Variants in ZNF469 observed in about 807,000 individuals in gnomAD.
ZNF469 encodes zinc finger protein 469.
In ZNF469, 1 loss-of-function variant was observed where a neutral mutation model predicts 1.0. That is an observed-to-expected ratio of 1.00 (90% CI 0.35 to 4.73). ZNF469 has a LOEUF of 4.73. Ranked by LOEUF, ZNF469 falls within the 30% of genes most tolerant of loss-of-function variation. ZNF469 has a pLI of 0.16. For missense variants in ZNF469, 6,100 were observed against 5,356.3 expected, an observed-to-expected ratio of 1.14 and a Z score of -4.33; for synonymous variants, 2,703 against 2,363.4, an observed-to-expected ratio of 1.14 and a Z score of -4.17.
chr16:88,319,125 C>T, the ZNF469 span, among the ~76,000 whole-genome samples: 2 of 152,284 alleles, frequency 1.3e-5, no homozygotes, highest in Non-Finnish European at 2.9e-5. Flanking sequence ...TTCCCATGAC[C>T]GGCCACTGTC....
chr16:88,217,507 C>T, the ZNF469 span, among the ~76,000 whole-genome samples: 393 of 149,176 alleles, frequency 2.6e-3, 1 homozygote, highest in African/African-American at 5.4e-3. Flanking sequence ...TAGTTACATA[C>T]GTATACATGT....
rs1410186217 is a variant in ZNF469 at position 88,428,543 on chromosome 16, C to T, written c.1073C>T (p.Pro358Leu). Residue 358 changes from proline (P) to leucine (L), a missense_variant, in exon 3 of 3, where the codon CCT (proline) becomes CTT (leucine). Physicochemically the swap from Pro to Leu is moderately conservative, Grantham distance 98. Coordinates refer to ENST00000565624, the MANE Select transcript of ZNF469 (RefSeq NM_001367624.2). Reference protein sequence around the residue: ...HSDLSGALSSPGAAHSAPRPF... With the variant: ...HSDLSGALSSLGAAHSAPRPF... Reference sequence around the variant, plus strand: ...GACCTCAGTGGTGCCCTCTCTTCCCCTGGAGCTGCTCACTCGGCCCCGAGA... The same window carrying T: ...GACCTCAGTGGTGCCCTCTCTTCCCTTGGAGCTGCTCACTCGGCCCCGAGA... 3 of 1,550,038 alleles carry T rather than the reference C, an allele frequency of 1.9e-6. No individual in the cohort carries two copies. Among genetic ancestry groups the T allele is most frequent in the Admixed American group, 2.0e-5 (1 of 50,984 alleles).
the ZNF469 span, among the ~76,000 whole-genome samples, chr16:88,239,713 A>T: frequency 0.022 from 88 of 3,966 alleles, 4 homozygotes; most frequent in African/African-American, 0.096. Context: ...ATATATATAT[A>T]TATTTTTTTT....
the ZNF469 span, among the ~76,000 whole-genome samples, chr16:88,313,235 T>C: frequency 6.6e-6 from 1 of 152,226 alleles, no homozygotes; most frequent in African/African-American, 2.4e-5. Context: ...TTCTATCTAA[T>C]TATATATGAG....
the ZNF469 span, among the ~76,000 whole-genome samples, chr16:88,296,052 C>A: frequency 6.6e-6 from 1 of 152,214 alleles, no homozygotes; most frequent in Non-Finnish European, 1.5e-5. Context: ...GAGGATATTG[C>A]CCCTGAAGGG....
the ZNF469 span, among the ~76,000 whole-genome samples, chr16:88,109,055 C>T: frequency 3.3e-5 from 5 of 152,336 alleles, no homozygotes; most frequent in African/African-American, 7.2e-5. Context: ...TGACTTGTTA[C>T]GCAAAAGCAG....
At chr16:88,181,095 C>T in the ZNF469 span, among the ~76,000 whole-genome samples, 11 of 143,486 alleles carry the variant, frequency 7.7e-5, no homozygotes, top group Non-Finnish European at 1.2e-4. Flanking sequence ...TTTTTTGAGA[C>T]GCAGTCTCGC....
At chr16:88,365,993 T>C in the ZNF469 span, among the ~76,000 whole-genome samples, 269 of 152,316 alleles carry the variant, frequency 1.8e-3, no homozygotes, top group Non-Finnish European at 3.2e-3. Context: ...TCCCCCACAG[T>C]CTACTATGTG....
chr16:88,372,935 A>G, the ZNF469 span, among the ~76,000 whole-genome samples: 1 of 151,966 alleles, frequency 6.6e-6, no homozygotes, highest in South Asian at 2.1e-4. Context: ...TACCATCTTC[A>G]CCATCTTTAC....
the ZNF469 span, among the ~76,000 whole-genome samples, chr16:88,181,209 T>G: frequency 6.6e-6 from 1 of 152,114 alleles, no homozygotes; most frequent in Non-Finnish European, 1.5e-5. Flanking sequence ...TAGCTGGGAC[T>G]ACAGGCGCCC....
the ZNF469 span, among the ~76,000 whole-genome samples, chr16:88,201,061 T>A: frequency 6.6e-6 from 1 of 152,200 alleles, no homozygotes; most frequent in Non-Finnish European, 1.5e-5. The surrounding 1 kb of genome is among the most constrained non-coding windows in gnomAD (Gnocchi z 5.0). Context: ...GGCCCCTCTG[T>A]GCCCCGGGGA....
chr16:88,362,476 A>T, the ZNF469 span, among the ~76,000 whole-genome samples: 4 of 152,206 alleles, frequency 2.6e-5, no homozygotes, highest in Non-Finnish European at 5.9e-5. Context: ...TTTATCCAAA[A>T]ATATCATTTC....
rs1567500196 is a variant in ZNF469, at chr16:88,396,918, G to GGGAGGAGACCCTCATGAAGGGAGGCCA, written c.-192+13675_-192+13676insTCATGAAGGGAGGCCAGGAGGAGACCC. Among the ~76,000 whole-genome samples the GGGAGGAGACCCTCATGAAGGGAGGCCA allele has an allele frequency of 1.3e-3, 164 of 124,844 alleles. 3 individuals are homozygous for GGGAGGAGACCCTCATGAAGGGAGGCCA. The highest frequency in any genetic ancestry group is 2.1e-3 in the Non-Finnish European group (120 of 57,976). The allele number at this position is 124,844 out of a possible 152,430, so 81.9% of individuals were successfully genotyped here. ...GTGGAGACCCTCATGAAGGGAGGCC[G>GGGAGGAGACCCTCATGAAGGGAGGCCA]GGAGGAGACCCGTCTGAAGGGAGGC... On this transcript the variant is annotated intron_variant, in intron 1 of 2. Transcript: ENST00000565624.
At chr16:88,189,089 A>C in the ZNF469 span, among the ~76,000 whole-genome samples, 2 of 152,122 alleles carry the variant, frequency 1.3e-5, no homozygotes, top group African/African-American at 4.8e-5. The surrounding 1 kb of genome is among the most constrained non-coding windows in gnomAD (Gnocchi z 4.3). Context: ...CATTGCTTAT[A>C]CACTGGCCTT....
chr16:88,344,978 C>G, the ZNF469 span, among the ~76,000 whole-genome samples: 1 of 152,204 alleles, frequency 6.6e-6, no homozygotes, highest in Non-Finnish European at 1.5e-5. Flanking sequence ...ATATCCATCA[C>G]AGAAGTCGCC....
intron 1 of ZNF469, among the ~76,000 whole-genome samples, chr16:88,403,414 G>A (rs1904938546): frequency 6.6e-6 from 1 of 152,258 alleles, no homozygotes; most frequent in Non-Finnish European, 1.5e-5. Context: ...TGTTTGGACA[G>A]TGGTGGGATT....
chr16:88,105,908 G>T, the ZNF469 span, among the ~76,000 whole-genome samples: 10 of 152,368 alleles, frequency 6.6e-5, no homozygotes, highest in South Asian at 2.1e-3. Flanking sequence ...ACACCACCTT[G>T]TGTGTGGACA....
the ZNF469 span, among the ~76,000 whole-genome samples, chr16:88,198,969 C>T: frequency 1.3e-5 from 2 of 152,198 alleles, no homozygotes; most frequent in Non-Finnish European, 2.9e-5. Flanking sequence ...GCTGCCGCCT[C>T]ATGTTCTCTG....
chr16:88,104,331 G>A, the ZNF469 span, among the ~76,000 whole-genome samples: 40 of 151,324 alleles, frequency 2.6e-4, no homozygotes, highest in African/African-American at 9.2e-4. Context: ...GTGCAATTCC[G>A]TTTAGACTGC....
Sources: gnomAD v4.1 joint callset for allele counts (sites outside exome capture counted in the v4.1 genomes callset) on GRCh38, gnomAD v4.1.1 for gene constraint, Gnocchi (gnomAD v3.1) non-coding constraint, MANE v1.5 for transcripts, NCBI Gene and HGNC (gene_info 2026-07-23, HGNC 2026-07-21) for gene names.